Variants in CNOT6L observed in about 807,000 individuals in gnomAD.
CNOT6L encodes the protein CCR4-NOT transcription complex subunit 6 like.
A neutral mutation model predicts 64.0 loss-of-function variants in CNOT6L; 7 were observed. That is an observed-to-expected ratio of 0.11 (90% CI 0.06 to 0.21). The LOEUF (loss-of-function observed/expected upper bound fraction) is 0.21, where lower values mean the gene tolerates loss of function less well. Among genes scored for constraint, CNOT6L ranks in the 10% least tolerant of loss-of-function variants. The pLI is 1.00. For synonymous variants in CNOT6L, 193 were observed against 243.4 expected (o/e 0.79, Z 1.93); for missense variants, 245 against 669.0 (o/e 0.37, Z 6.99).
At chr4:77,798,286 CA>C (rs1336926021) in intron 1 of CNOT6L, among the ~76,000 whole-genome samples, 4 of 151,962 alleles carry the variant, frequency 2.6e-5, no homozygotes, top group African/African-American at 9.7e-5. Context: ...CCTGCCTTGA[CA>C]ACAGATTGAG....
chr4:77,774,427 A>G, intron 3 of CNOT6L, 103 bp downstream of exon 3: 2 of 894,086 alleles, frequency 2.2e-6, no homozygotes, highest in Non-Finnish European at 3.4e-6. Flanking sequence ...ATATAATTTG[A>G]TAGTTACAAC....
chr4:77,776,648 GT>G (rs1728174307), intron 1 of CNOT6L, among the ~76,000 whole-genome samples: 1 of 152,172 alleles, frequency 6.6e-6, no homozygotes, highest in Non-Finnish European at 1.5e-5. Flanking sequence ...GAACATTATG[GT>G]TGCTTCCTAA....
chr4:77,726,116 C>G (rs759094417), intron 11 of CNOT6L, 51 bp downstream of exon 11: 1 of 1,482,476 alleles, frequency 6.7e-7, no homozygotes, highest in Non-Finnish European at 9.4e-7. Context: ...TTTTTTGTTA[C>G]ATGCTTGTAT....
intron 5 of CNOT6L, 51 bp downstream of exon 5, chr4:77,756,811 A>AG: frequency 9.0e-7 from 1 of 1,111,646 alleles, no homozygotes. Flanking sequence ...TATATTAGCT[A>AG]GTTCATAATA....
chr4:77,788,158 A>G (rs1458544843), intron 1 of CNOT6L, among the ~76,000 whole-genome samples: 1 of 152,236 alleles, frequency 6.6e-6, no homozygotes, highest in Non-Finnish European at 1.5e-5. Flanking sequence ...TTCAAGATTT[A>G]ATTTTTTTGC....
intron 1 of CNOT6L, among the ~76,000 whole-genome samples, chr4:77,801,433 C>T (rs1731536212): frequency 6.6e-6 from 1 of 152,108 alleles, no homozygotes; most frequent in Non-Finnish European, 1.5e-5. Context: ...AAACTCATTA[C>T]CTTCCTCCTG....
rs1720760765 is a variant in CNOT6L at position 77,716,489 on chromosome 4, T to C, written c.*3942A>G. 1 of 152,158 alleles carries C rather than the reference T, an allele frequency of 6.6e-6. No homozygotes were observed. 9.4% of individuals were successfully genotyped at this position (152,158 alleles called of 1,614,324 possible). A position where few individuals can be genotyped will look rare whatever the true frequency, so the allele number is the denominator to read the frequency against. On this transcript the variant is annotated 3_prime_UTR_variant, in exon 12 of 12. Transcript: ENST00000504123. ...AGTCTGCTGTTTCATACTAAAAGTA[T>C]AGATGGCATTAGTGATTTTTAGAAA...
intron 5 of CNOT6L, among the ~76,000 whole-genome samples, chr4:77,756,245 G>A (rs930866987): frequency 1.3e-5 from 2 of 152,176 alleles, no homozygotes; most frequent in East Asian, 1.9e-4. Flanking sequence ...CGCCTTCCTC[G>A]GCCACACAAA....
At chr4:77,736,773 C>T (rs996482332) in intron 8 of CNOT6L, among the ~76,000 whole-genome samples, 3 of 151,892 alleles carry the variant, frequency 2.0e-5, no homozygotes, top group African/African-American at 7.3e-5. Context: ...AAGCATTATT[C>T]CTGATGATAT....
chr4:77,802,458 C>T (rs540140807), intron 1 of CNOT6L, among the ~76,000 whole-genome samples: 6 of 152,272 alleles, frequency 3.9e-5, no homozygotes, highest in Admixed American at 2.6e-4. Context: ...AAATTACTTC[C>T]TAATTACTAA....
In CNOT6L at chr4:77,714,357, C is replaced by T. The variant is rs1720503154; in HGVS notation, c.*6074G>A. Reference sequence around the variant, plus strand: ...GTTATATAGTTGAAAAAAATCACAACAGAAGATATAAATTAATCGATGGTG... The same window carrying T: ...GTTATATAGTTGAAAAAAATCACAATAGAAGATATAAATTAATCGATGGTG... On this transcript the variant is annotated 3_prime_UTR_variant, in exon 12 of 12. Coordinates refer to ENST00000504123, the MANE Select transcript of CNOT6L (RefSeq NM_144571.3). 7.0e-6 allele frequency: 1 copy of T among 142,342 alleles called. No individual in the cohort carries two copies. Among genetic ancestry groups the T allele is most frequent in the Non-Finnish European group, 1.5e-5 (1 of 65,352 alleles). 8.8% of individuals were successfully genotyped at this position (142,342 alleles called of 1,614,324 possible). A position where few individuals can be genotyped will look rare whatever the true frequency, so the allele number is the denominator to read the frequency against.
chr4:77,729,805 C>T (rs1722245285), intron 9 of CNOT6L, among the ~76,000 whole-genome samples: 1 of 151,672 alleles, frequency 6.6e-6, no homozygotes, highest in African/African-American at 2.4e-5. Context: ...TAAACATTAA[C>T]ATAGTACTTT....
chr4:77,726,845 C>A (rs1460368121), intron 10 of CNOT6L, among the ~76,000 whole-genome samples: 1 of 152,198 alleles, frequency 6.6e-6, no homozygotes, highest in Non-Finnish European at 1.5e-5. Flanking sequence ...TTCAACATTT[C>A]AATGTCTAAT....
intron 1 of CNOT6L, among the ~76,000 whole-genome samples, chr4:77,804,321 C>A (rs555232941): frequency 9.9e-5 from 15 of 151,498 alleles, no homozygotes; most frequent in Non-Finnish European, 2.2e-4. Context: ...CCCAGCTACT[C>A]AGGAGGCTTA....
Position 77,715,177 on chromosome 4 carries a change from C to T in CNOT6L, c.*5254G>A, listed in dbSNP as rs1436600931. Reference sequence around the variant, plus strand: ...ATTGTTCTAACAAAAATAACTAGTACTAGGCACCAAACTAGAGCCTCCGAA... The same window carrying T: ...ATTGTTCTAACAAAAATAACTAGTATTAGGCACCAAACTAGAGCCTCCGAA... On this transcript the variant is annotated 3_prime_UTR_variant, in exon 12 of 12. Coordinates refer to ENST00000504123, the MANE Select transcript of CNOT6L (RefSeq NM_144571.3). 1 of 152,044 alleles carries T rather than the reference C, an allele frequency of 6.6e-6. No homozygotes were observed. The highest frequency in any genetic ancestry group is 2.4e-5 in the African/African-American group (1 of 41,426). 9.4% of individuals were successfully genotyped at this position (152,044 alleles called of 1,614,324 possible). A position where few individuals can be genotyped will look rare whatever the true frequency, so the allele number is the denominator to read the frequency against.
intron 1 of CNOT6L, among the ~76,000 whole-genome samples, chr4:77,779,669 A>G (rs1252576220): frequency 6.6e-6 from 1 of 152,186 alleles, no homozygotes; most frequent in East Asian, 1.9e-4. Context: ...TGCCAATAAA[A>G]ATGACCAAAG....
At chr4:77,799,866 A>C (rs1282649081) in intron 1 of CNOT6L, among the ~76,000 whole-genome samples, 1 of 152,164 alleles carries the variant, frequency 6.6e-6, no homozygotes, top group Non-Finnish European at 1.5e-5. Flanking sequence ...TCCATGTTTT[A>C]ATGTGGAAAA....
chr4:77,819,216 A>AT, intron 1 of CNOT6L, 88 bp downstream of exon 1: 1 of 1,609,400 alleles, frequency 6.2e-7, no homozygotes, highest in Non-Finnish European at 8.5e-7. Context: ...CCACACGCAC[A>AT]TTTGTCCCTC....
At chr4:77,766,962 C>G (rs1393085081) in intron 4 of CNOT6L, among the ~76,000 whole-genome samples, 2 of 147,402 alleles carry the variant, frequency 1.4e-5, no homozygotes, top group Non-Finnish European at 3.0e-5. Context: ...ACTCAGGAAG[C>G]TGAGGCAGGA....
Sources: gnomAD v4.1 joint callset for allele counts (sites outside exome capture counted in the v4.1 genomes callset) on GRCh38, gnomAD v4.1.1 for gene constraint, MANE v1.5 for transcripts, NCBI Gene and HGNC (gene_info 2026-07-23, HGNC 2026-07-21) for gene names.